Variants in NUP98 observed in about 807,000 individuals in gnomAD.
The protein encoded by NUP98 is nuclear pore complex protein Nup98-Nup96.
NUP98 carries 26 observed loss-of-function variants against 191.9 expected under a neutral mutation model. The observed-to-expected ratio is 0.14, with a 90% confidence interval of 0.10 to 0.19. NUP98 has a LOEUF of 0.19. Among genes scored for constraint, NUP98 ranks in the 10% least tolerant of loss-of-function variants. The pLI, the probability that NUP98 is intolerant of heterozygous loss-of-function variation, is 1.00. For missense variants in NUP98, 1,941 were observed against 2,178.8 expected (o/e 0.89, Z 2.17); for synonymous variants, 808 against 778.4 (o/e 1.04, Z -0.63).
At chr11:3,746,196 G>T (rs571975195) in intron 11 of NUP98, among the ~76,000 whole-genome samples, 102 of 150,290 alleles carry the variant, frequency 6.8e-4, no homozygotes, top group African/African-American at 2.4e-3. Flanking sequence ...TTGAACCCGG[G>T]AGGTGGAGGT....
chr11:3,717,141 T>C (rs149119758), intron 18 of NUP98, among the ~76,000 whole-genome samples: 1,806 of 152,194 alleles, frequency 0.012, 11 homozygotes, highest in Non-Finnish European at 0.019. Context: ...ATTACAGGTA[T>C]GCGCCACCAC....
At chr11:3,783,012 G>A (rs2082026100) in intron 1 of NUP98, among the ~76,000 whole-genome samples, 1 of 152,108 alleles carries the variant, frequency 6.6e-6, no homozygotes, top group Non-Finnish European at 1.5e-5. Flanking sequence ...CATTCTCTTT[G>A]AGATTACGTT....
chr11:3,765,177 T>A (rs1421768506), intron 8 of NUP98, among the ~76,000 whole-genome samples: 1 of 152,216 alleles, frequency 6.6e-6, no homozygotes, highest in Non-Finnish European at 1.5e-5. Context: ...CTTTGATATA[T>A]AAATGTTTTT....
intron 16 of NUP98, among the ~76,000 whole-genome samples, chr11:3,722,644 T>C (rs1443500483): frequency 6.6e-6 from 1 of 151,898 alleles, no homozygotes; most frequent in Non-Finnish European, 1.5e-5. Context: ...CCAGGAAACA[T>C]GGCAAAACAA....
At chr11:3,734,195 C>G (rs2079958646) in intron 13 of NUP98, among the ~76,000 whole-genome samples, 1 of 152,062 alleles carries the variant, frequency 6.6e-6, no homozygotes, top group South Asian at 2.1e-4. Context: ...ACCACCATGC[C>G]CAGCTAATTT....
intron 20 of NUP98, 124 bp downstream of exon 20, chr11:3,712,440 A>G: frequency 2.0e-6 from 3 of 1,490,046 alleles, no homozygotes; most frequent in Non-Finnish European, 2.7e-6. Context: ...TTTCAACGTG[A>G]TTGCCAATGT....
At chr11:3,794,052 T>G (rs1043163629) in intron 1 of NUP98, among the ~76,000 whole-genome samples, 1 of 152,204 alleles carries the variant, frequency 6.6e-6, no homozygotes, top group Non-Finnish European at 1.5e-5. Flanking sequence ...TGACAATTTC[T>G]TCAGACATTC....
intron 12 of NUP98, among the ~76,000 whole-genome samples, chr11:3,742,682 G>A (rs1417372354): frequency 8.4e-6 from 1 of 118,528 alleles, no homozygotes; most frequent in Non-Finnish European, 1.6e-5. Flanking sequence ...CTAGGAGATA[G>A]AGCAAGACTC....
intron 5 of NUP98, among the ~76,000 whole-genome samples, chr11:3,775,631 C>A (rs565048223): frequency 8.6e-5 from 13 of 151,972 alleles, no homozygotes; most frequent in African/African-American, 3.1e-4. Context: ...CTACCTTACA[C>A]CAGATTATAA....
At chr11:3,743,422 G>A (rs539263338) in intron 12 of NUP98, among the ~76,000 whole-genome samples, 16 of 148,856 alleles carry the variant, frequency 1.1e-4, no homozygotes, top group East Asian at 4.1e-4. Flanking sequence ...CGAGGCGGGC[G>A]GATCACGAGG....
chr11:3,777,978 C>CACGA (rs1171390059), intron 4 of NUP98, among the ~76,000 whole-genome samples: 4 of 151,942 alleles, frequency 2.6e-5, no homozygotes, highest in African/African-American at 9.7e-5. Flanking sequence ...GCAGATGGAA[C>CACGA]ACGAGGTCAG....
rs1564954401 is a variant in NUP98, at chr11:3,797,493, C to G, written c.-122G>C. ...GCGGCCCCCACGAAACCGTCGCCGC[C>G]GCCGCTACCACCCCTGCCACCGACC... On this transcript the variant is annotated 5_prime_UTR_variant, in exon 1 of 33. Coordinates refer to ENST00000324932, the MANE Select transcript of NUP98 (RefSeq NM_016320.5). The G allele has an allele frequency of 1.4e-5, 6 of 433,518 alleles. No individual in the cohort carries two copies. The East Asian group carries it at 2.1e-4, about 15-fold the overall frequency. The allele number at this position is 433,518 out of a possible 1,614,324, so 26.9% of individuals were successfully genotyped here. A position where few individuals can be genotyped will look rare whatever the true frequency, so the allele number is the denominator to read the frequency against.
At position 3,685,979 on chromosome 11, in the gene NUP98, T is replaced by C; in HGVS notation, c.4670A>G (p.Asn1557Ser). 1.2e-6 allele frequency: 2 copies of C among 1,613,564 alleles called. No individual in the cohort carries two copies. Among genetic ancestry groups the C allele is most frequent in the East Asian group, 2.2e-5 (1 of 44,868 alleles). Reference sequence around the variant, plus strand: ...TCAACGGCTTCTCACTCACCCTGAGTTGTCAATGTGCAGGAGGACAAAGAT... The same window carrying C: ...TCAACGGCTTCTCACTCACCCTGAGCTGTCAATGTGCAGGAGGACAAAGAT... The part of the protein sequence containing the change: ...WAIFVLLHID[N>S]SGIREKAVRE... The change falls in exon 29 of 33, where the codon AAC (asparagine) becomes AGC (serine). Residue 1557 changes from asparagine (N) to serine (S), a missense_variant. Asn to Ser is a conservative substitution (Grantham distance 46). This residue lies in a region of NUP98 where 1,030 missense variants were observed against 1,115.8 expected (regional missense o/e 0.92). Transcript: ENST00000324932.
At chr11:3,719,680 T>G (rs1021268369) in intron 17 of NUP98, 130 bp from the exon 18 acceptor site, 2 of 589,184 alleles carry the variant, frequency 3.4e-6, no homozygotes, top group Non-Finnish European at 5.4e-6. Flanking sequence ...AATTCAGCAA[T>G]TCCTAGACTG....
At position 3,779,151 on chromosome 11, in the gene NUP98, C is replaced by G. The variant is rs372282709; in HGVS notation, c.178+5G>C. The stretch of plus-strand genomic sequence containing the variant: ...AACCAGTTATATCACAAATAAAGCC[C>G]CTACCTGGTTTAGTCTGTGAATTTC... On this transcript the variant is annotated splice_donor_5th_base_variant and intron_variant, in intron 3 of 32. Transcript: ENST00000324932. The G allele has an allele frequency of 1.2e-6, 2 of 1,613,606 alleles. No homozygotes were observed. The highest frequency in any genetic ancestry group is 1.7e-6 in the Non-Finnish European group (2 of 1,179,600).
intron 14 of NUP98, 63 bp downstream of exon 14, chr11:3,731,328 T>C: frequency 9.5e-7 from 1 of 1,055,694 alleles, no homozygotes. Flanking sequence ...AATTGTATAT[T>C]ATTTCATATT....
At chr11:3,758,793 G>C (rs1248610890) in intron 10 of NUP98, among the ~76,000 whole-genome samples, 1 of 149,338 alleles carries the variant, frequency 6.7e-6, no homozygotes, top group African/African-American at 2.6e-5. Context: ...GAGAGACAGA[G>C]AGACAGAGAC....
rs564953891 is a variant in NUP98 at position 3,775,223 on chromosome 11, T to C, written c.495+659A>G. On this transcript the variant is annotated intron_variant, in intron 5 of 32. Coordinates refer to ENST00000324932, the MANE Select transcript of NUP98 (RefSeq NM_016320.5). ...TTACTCTTATTTGCCCCCTATTCTT[T>C]ATTCCCATAAAGATTAGTTGACCAG... Among the ~76,000 whole-genome samples the C allele has an allele frequency of 3.9e-5, 6 of 152,268 alleles. No individual in the cohort carries two copies. In the South Asian group the frequency reaches 1.2e-3, roughly 32 times the overall value.
In NUP98 at chr11:3,712,725, A is replaced by C. The variant is rs368862259; in HGVS notation, c.2581T>G (p.Ser861Ala). Residue 861 changes from serine (S) to alanine (A), a missense_variant, in exon 20 of 33, where the codon TCC becomes GCC. This residue lies in a region of NUP98 where 95 missense variants were observed against 139.7 expected (regional missense o/e 0.68). Transcript: ENST00000324932. ...TGAAGGCCATACTTAGAAAAATGGG[A>C]GACCTAAGGAAGAGAAGAACCCCAC... ...PETGSWVFKV[S>A]HFSKYGLQDS... is the part of the protein sequence containing the mutation. 1.9e-6 allele frequency: 3 copies of C among 1,612,214 alleles called. No individual in the cohort carries two copies. In the African/African-American group the frequency reaches 4.0e-5, roughly 22 times the overall value.
Sources: allele counts gnomAD v4.1 joint callset (sites outside exome capture counted in the v4.1 genomes callset), GRCh38; gene constraint gnomAD v4.1.1; regional missense constraint gnomAD v4.1.1; transcripts MANE v1.5; gene names NCBI Gene and HGNC (gene_info 2026-07-23, HGNC 2026-07-21).